Variants in BRINP1 observed in about 807,000 individuals in gnomAD.
BRINP1 encodes the protein BMP/retinoic acid inducible neural specific 1, also known as BMP/retinoic acid-inducible neural-specific protein 1.
In BRINP1, 17 loss-of-function variants were observed where a neutral mutation model predicts 72.9. The observed-to-expected ratio is 0.23, with a 90% CI of 0.16 to 0.35. The LOEUF (loss-of-function observed/expected upper bound fraction) is 0.35, where lower values mean the gene tolerates loss of function less well. BRINP1 is among the 10% of genes least tolerant of loss of function. The pLI is 1.00. For missense variants in BRINP1, 850 were observed against 1,001.6 expected (o/e 0.85, Z 2.04); for synonymous variants, 418 against 378.5 (o/e 1.10, Z -1.21).
chr9:119,205,831 T>C (rs913740095), intron 7 of BRINP1, among the ~76,000 whole-genome samples: 1 of 151,388 alleles, frequency 6.6e-6, no homozygotes, highest in African/African-American at 2.5e-5. Flanking sequence ...AAAGAGGTTA[T>C]TTGTTTGAAT....
At chr9:119,318,903 A>G (rs1458828308) in intron 1 of BRINP1, among the ~76,000 whole-genome samples, 3 of 149,282 alleles carry the variant, frequency 2.0e-5, no homozygotes, top group Non-Finnish European at 4.4e-5. Flanking sequence ...GTGAGACCTC[A>G]GCCTACAGTC....
intron 7 of BRINP1, among the ~76,000 whole-genome samples, chr9:119,177,095 G>T (rs1829498086): frequency 6.6e-6 from 1 of 152,142 alleles, no homozygotes; most frequent in Non-Finnish European, 1.5e-5. Flanking sequence ...CTCTACAAAT[G>T]CTTGCTGAGT....
intron 3 of BRINP1, among the ~76,000 whole-genome samples, chr9:119,244,445 G>A (rs1446016183): frequency 6.6e-6 from 1 of 152,212 alleles, no homozygotes; most frequent in Non-Finnish European, 1.5e-5. Context: ...ATGAAGAATA[G>A]ATGTTCAGTT....
At chr9:119,233,390 T>C (rs1830164870) in intron 5 of BRINP1, among the ~76,000 whole-genome samples, 1 of 151,962 alleles carries the variant, frequency 6.6e-6, no homozygotes, top group Non-Finnish European at 1.5e-5. Context: ...TAAAAACAAG[T>C]TAAAAATATA....
At position 119,368,240 on chromosome 9, in the gene BRINP1, G is replaced by C. The variant is rs145078767; in HGVS notation, c.-51+816C>G. Reference sequence around the variant, plus strand: ...AGACTTTCCAAGCCCCAGATAAGGAGCCCACCGCTGACTTCCCCCTTTCTC... The same window carrying C: ...AGACTTTCCAAGCCCCAGATAAGGACCCCACCGCTGACTTCCCCCTTTCTC... On this transcript the variant is annotated intron_variant, in intron 1 of 7. Transcript: ENST00000265922. The surrounding 1 kb of genome is among the most constrained non-coding windows in gnomAD (Gnocchi z 4.7). Among the ~76,000 whole-genome samples the C allele has an allele frequency of 4.1e-4, 62 of 152,286 alleles. No homozygotes were observed. Among genetic ancestry groups the C allele is most frequent in the Non-Finnish European group, 7.2e-4 (49 of 68,012 alleles).
chr9:119,285,280 G>A (rs575884343), intron 2 of BRINP1, among the ~76,000 whole-genome samples: 47 of 152,130 alleles, frequency 3.1e-4, no homozygotes, highest in Admixed American at 2.0e-3. Context: ...AAAGACCATC[G>A]TGGTCTCAGA....
chr9:119,167,829 G>C lies in BRINP1; in HGVS notation c.1541C>G (p.Thr514Ser). 1 of 1,614,200 alleles carries C rather than the reference G, an allele frequency of 6.2e-7. No homozygotes were observed. The highest frequency in any genetic ancestry group is 1.1e-5 in the South Asian group (1 of 91,090). The change falls in exon 8 of 8, where the codon ACC becomes AGC. Residue 514 changes from threonine to serine, a missense_variant. Thr to Ser is a moderately conservative substitution (Grantham distance 58). Coordinates refer to ENST00000265922, the MANE Select transcript of BRINP1 (RefSeq NM_014618.3). The surrounding 1 kb of genome is among the most constrained non-coding windows in gnomAD (Gnocchi z 4.3). ...CTTGCGCCACCGAGGGTCAAAGAAG[G>C]TGTCGAGGCGGATCTCGTTGCTGAT... ...TFISNEIRLD[T>S]FFDPRWRKRM... is the part of the protein sequence containing the mutation.
At chr9:119,218,245 AC>A (rs2118881920) in intron 5 of BRINP1, among the ~76,000 whole-genome samples, 1 of 144,958 alleles carries the variant, frequency 6.9e-6, no homozygotes, top group Non-Finnish European at 1.5e-5. Context: ...TCACTCTGTC[AC>A]CAGGCTGGAG....
rs953157812 is a variant in BRINP1 at position 119,255,984 on chromosome 9, C to T, written c.219-6834G>A. Among the ~76,000 whole-genome samples, 55 of 107,392 alleles carry T rather than the reference C, an allele frequency of 5.1e-4. 1 individual carries two copies. The highest frequency in any genetic ancestry group is 4.3e-4 in the Non-Finnish European group (23 of 53,032). The allele number at this position is 107,392 out of a possible 152,430, so 70.5% of individuals were successfully genotyped here. A position where few individuals can be genotyped will look rare whatever the true frequency, so the allele number is the denominator to read the frequency against. Reference sequence around the variant, plus strand: ...AAAAAAAAAAAAAAAAAAAAAAAAACACGAGACAGGAAGGAGAACTGGCTC... The same window carrying T: ...AAAAAAAAAAAAAAAAAAAAAAAAATACGAGACAGGAAGGAGAACTGGCTC... On this transcript the variant is annotated intron_variant, in intron 2 of 7. Transcript: ENST00000265922.
At chr9:119,275,483 G>A (rs554639507) in intron 2 of BRINP1, among the ~76,000 whole-genome samples, 80 of 152,252 alleles carry the variant, frequency 5.3e-4, no homozygotes, top group Middle Eastern at 6.8e-3. Flanking sequence ...GACTATATAG[G>A]TACTCTGTCC....
intron 1 of BRINP1, among the ~76,000 whole-genome samples, chr9:119,320,366 CTATT>C (rs1191257393): frequency 6.6e-6 from 1 of 152,156 alleles, no homozygotes; most frequent in African/African-American, 2.4e-5. Flanking sequence ...ATAAATTTAT[CTATT>C]CATTCATTAC....
At chr9:119,361,263 T>C (rs1402650802) in intron 1 of BRINP1, among the ~76,000 whole-genome samples, 1 of 152,136 alleles carries the variant, frequency 6.6e-6, no homozygotes. Flanking sequence ...AAAAAATTAA[T>C]TTCACTTTTT....
In BRINP1 at chr9:119,238,999, T is replaced by G. The variant is rs546621864; in HGVS notation, c.580-239A>C. On this transcript the variant is annotated intron_variant, in intron 4 of 7. Transcript: ENST00000265922. The stretch of plus-strand genomic sequence containing the variant: ...GCCTGTTCCTACCACTGGTTCTCAC[T>G]TCACACGGTGGCTGCAAGTAGACAT... 5.9e-5 allele frequency among the ~76,000 whole-genome samples: 9 copies of G among 152,302 alleles called. No homozygotes were observed. The South Asian group carries it at 1.9e-3, about 32-fold the overall frequency.
chr9:119,270,397 T>A lies in BRINP1; in HGVS notation c.219-21247A>T, dbSNP rs139818119. ...ACAGGCACGCTTAAAAGCAGTAAGA[T>A]TATACAGGAGGCTATTCTGGTAATC... On this transcript the variant is annotated intron_variant, in intron 2 of 7. Coordinates refer to ENST00000265922, the MANE Select transcript of BRINP1 (RefSeq NM_014618.3). Among the ~76,000 whole-genome samples, 568 of 152,226 alleles carry A rather than the reference T, an allele frequency of 3.7e-3. 3 individuals are homozygous for A. Among genetic ancestry groups the A allele is most frequent in the African/African-American group, 0.013 (529 of 41,532 alleles).
At chr9:119,210,912 G>A (rs999112017) in intron 6 of BRINP1, among the ~76,000 whole-genome samples, 2 of 152,158 alleles carry the variant, frequency 1.3e-5, no homozygotes, top group African/African-American at 4.8e-5. Flanking sequence ...AAAGTACTCG[G>A]TTGATGGTAG....
intron 1 of BRINP1, among the ~76,000 whole-genome samples, chr9:119,363,264 A>T (rs537251801): frequency 2.1e-4 from 32 of 152,072 alleles, no homozygotes; most frequent in African/African-American, 7.5e-4. Flanking sequence ...CTGTTTTTTT[A>T]AAGATGATTA....
At chr9:119,223,284 C>T (rs1830059333) in intron 5 of BRINP1, among the ~76,000 whole-genome samples, 1 of 152,050 alleles carries the variant, frequency 6.6e-6, no homozygotes, top group African/African-American at 2.4e-5. Context: ...GAAGAGTCCA[C>T]CTCAAAAGGG....
At chr9:119,338,559 G>A (rs1341984677) in intron 1 of BRINP1, among the ~76,000 whole-genome samples, 4 of 147,184 alleles carry the variant, frequency 2.7e-5, no homozygotes, top group Non-Finnish European at 3.0e-5. Flanking sequence ...GAAATAGAAG[G>A]AATCTTTCAG....
At chr9:119,212,786 A>G (rs1564218505) in intron 6 of BRINP1, among the ~76,000 whole-genome samples, 1 of 152,184 alleles carries the variant, frequency 6.6e-6, no homozygotes. Flanking sequence ...TCTCAAGCTT[A>G]TCCTATAGAA....
Sources: allele counts gnomAD v4.1 joint callset (sites outside exome capture counted in the v4.1 genomes callset), GRCh38; gene constraint gnomAD v4.1.1; non-coding constraint Gnocchi (gnomAD v3.1); transcripts MANE v1.5; gene names NCBI Gene and HGNC (gene_info 2026-07-23, HGNC 2026-07-21).